The following FBXW10B variants were observed in gnomAD, a reference collection of about 807,000 sequenced individuals.
FBXW10B encodes the protein F-box and WD repeat domain containing 10B.
chr17:15,616,811 C>CAAAA, the FBXW10B span, among the ~76,000 whole-genome samples: 3 of 64,568 alleles, frequency 4.6e-5, no homozygotes, highest in East Asian at 4.8e-4. Flanking sequence ...GACTCTGTCT[C>CAAAA]AAAAAAAAAA....
At chr17:15,581,177 T>G in the FBXW10B span, among the ~76,000 whole-genome samples, 2 of 152,178 alleles carry the variant, frequency 1.3e-5, no homozygotes, top group Non-Finnish European at 2.9e-5. Context: ...AATAACTAGT[T>G]AACTTCAGAG....
At chr17:15,610,853 A>G in the FBXW10B span, among the ~76,000 whole-genome samples, 1 of 152,272 alleles carries the variant, frequency 6.6e-6, no homozygotes, top group African/African-American at 2.4e-5. Flanking sequence ...TAAAACAGCA[A>G]CAGACTTGAA....
chr17:15,587,765 C>T, the FBXW10B span, among the ~76,000 whole-genome samples: 3 of 152,084 alleles, frequency 2.0e-5, no homozygotes, highest in African/African-American at 7.2e-5. Context: ...TAAAGTCTGC[C>T]TCTCTAGGGA....
chr17:15,570,560 A>G, the FBXW10B span, among the ~76,000 whole-genome samples: 2 of 152,222 alleles, frequency 1.3e-5, no homozygotes. Context: ...TAGGAACTGG[A>G]CCTTGGTCAG....
At chr17:15,613,610 A>C in the FBXW10B span, 1 of 1,556,128 alleles carries the variant, frequency 6.4e-7, no homozygotes, top group Non-Finnish European at 8.6e-7. Flanking sequence ...ACTTGCAGGA[A>C]GTACCTGCAA....
At chr17:15,569,455 C>CTTTTTTTTTTTTTTTT in the FBXW10B span, among the ~76,000 whole-genome samples, 2 of 59,192 alleles carry the variant, frequency 3.4e-5, no homozygotes, top group Admixed American at 2.4e-4. Flanking sequence ...TTTTCTTTTT[C>CTTTTTTTTTTTTTTTT]TTTTTTTTTT....
At chr17:15,587,181 A>G in the FBXW10B span, among the ~76,000 whole-genome samples, 39,368 of 149,734 alleles carry the variant, frequency 0.26, 5,669 homozygotes, top group South Asian at 0.34. Context: ...GCAGATCCAG[A>G]GTGGGAATGT....
chr17:15,575,708 G>A, the FBXW10B span, among the ~76,000 whole-genome samples: 1 of 151,146 alleles, frequency 6.6e-6, no homozygotes, highest in East Asian at 1.9e-4. Flanking sequence ...CTTTATGAGA[G>A]AAAATTTGAT....
chr17:15,594,896 AGAAAAGAT>A, the FBXW10B span: 3 of 1,608,666 alleles, frequency 1.9e-6, no homozygotes, highest in East Asian at 6.7e-5. Context: ...AGAGTCTGCA[AGAAAAGAT>A]ACCACTGTCT....
chr17:15,615,321 C>CTTTTTTTTTTTT, the FBXW10B span, among the ~76,000 whole-genome samples: 70 of 88,712 alleles, frequency 7.9e-4, 8 homozygotes, highest in African/African-American at 2.4e-3. Flanking sequence ...TATTGGCTTT[C>CTTTTTTTTTTTT]TTTTTTTTTT....
chr17:15,593,367 G>A, the FBXW10B span: 1 of 1,614,040 alleles, frequency 6.2e-7, no homozygotes, highest in African/African-American at 1.3e-5. Context: ...GGACAGCACA[G>A]GATCGCCTCT....
the FBXW10B span, chr17:15,588,632 A>G: frequency 1.9e-6 from 1 of 531,566 alleles, no homozygotes. Context: ...CTTTACTCTT[A>G]GCTAGCAAAA....
the FBXW10B span, chr17:15,612,899 A>G: frequency 3.2e-6 from 5 of 1,546,330 alleles, no homozygotes; most frequent in South Asian, 1.2e-5. Flanking sequence ...GGAGGAAGGG[A>G]AAAACTAGTT....
the FBXW10B span, chr17:15,571,403 A>G: frequency 6.6e-6 from 1 of 152,110 alleles, no homozygotes; most frequent in Non-Finnish European, 1.5e-5. Flanking sequence ...AGAAATACAG[A>G]CGTTAAATAA....
the FBXW10B span, among the ~76,000 whole-genome samples, chr17:15,601,237 G>A: frequency 2.6e-4 from 38 of 145,088 alleles, no homozygotes; most frequent in African/African-American, 8.7e-4. Context: ...GTGAAACCCC[G>A]TCTCTACTAA....
the FBXW10B span, among the ~76,000 whole-genome samples, chr17:15,590,884 C>T: frequency 1.2e-4 from 18 of 151,986 alleles, no homozygotes; most frequent in South Asian, 8.3e-4. Flanking sequence ...GTGCCTGAAC[C>T]CTATTCAACT....
At chr17:15,566,207 C>T in the FBXW10B span, 108 of 1,612,232 alleles carry the variant, frequency 6.7e-5, no homozygotes, top group Middle Eastern at 6.6e-4. Context: ...GCAAATTCCC[C>T]GGAATTACGG....
chr17:15,619,642 C>A, the FBXW10B span: 7 of 1,507,512 alleles, frequency 4.6e-6, no homozygotes, highest in Admixed American at 1.6e-4. Context: ...TCTCCCAGAG[C>A]AAAAGTAAAT....
the FBXW10B span, among the ~76,000 whole-genome samples, chr17:15,594,171 C>A: frequency 3.2e-4 from 49 of 151,990 alleles, no homozygotes; most frequent in Admixed American, 2.6e-3. Flanking sequence ...TGTTTTGATT[C>A]TTTTTAAAAT....
Sources: allele counts gnomAD v4.1 joint callset (sites outside exome capture counted in the v4.1 genomes callset), GRCh38; gene constraint gnomAD v4.1.1; transcripts MANE v1.5; gene names NCBI Gene and HGNC (gene_info 2026-07-23, HGNC 2026-07-21).